Variants in ARHGAP8 observed in about 807,000 individuals in gnomAD.
ARHGAP8 encodes the protein Rho GTPase activating protein 8, also known as rho GTPase-activating protein 8.
Under a neutral mutation model 46.1 loss-of-function variants are expected in ARHGAP8, and 62 were observed. The observed-to-expected ratio is 1.34, with a 90% CI of 1.10 to 1.66. The LOEUF is 1.66. ARHGAP8 is among the 40% of genes most tolerant of loss of function. The pLI is 0.00. For missense variants in ARHGAP8, 923 were observed against 568.4 expected (o/e 1.62, Z -6.34); for synonymous variants, 375 against 243.1 (o/e 1.54, Z -5.05).
intron 7 of ARHGAP8, among the ~76,000 whole-genome samples, chr22:44,834,990 C>G (rs1931186171): frequency 6.6e-6 from 1 of 152,052 alleles, no homozygotes; most frequent in Non-Finnish European, 1.5e-5. Flanking sequence ...CTATTTGTGT[C>G]TTTGAATCTA....
chr22:44,848,825 G>A, intron 9 of ARHGAP8, 107 bp from the exon 10 acceptor site: 1 of 1,556,842 alleles, frequency 6.4e-7, no homozygotes, highest in Non-Finnish European at 8.7e-7. Flanking sequence ...TCCAGCATCA[G>A]GTGCGTCCCA....
At chr22:44,826,227 C>G (rs1458114607) in intron 7 of ARHGAP8, among the ~76,000 whole-genome samples, 1 of 152,090 alleles carries the variant, frequency 6.6e-6, no homozygotes. Flanking sequence ...CATCCCTGAT[C>G]CCCGCATCAC....
rs547838010 is a variant in ARHGAP8, at chr22:44,859,829, C to T, written c.976C>T (p.His326Tyr). The change falls in exon 11 of 12, where the codon CAT (histidine) becomes TAT (tyrosine). Residue 326 changes from histidine (H) to tyrosine (Y), a missense_variant. Physicochemically the swap from His to Tyr is moderately conservative, Grantham distance 83. Coordinates refer to ENST00000356099, the MANE Select transcript of ARHGAP8 (RefSeq NM_181335.3). ...CCTCCGCTACCTCATGGGCTTCCTG[C>T]ATGCGGTGAGTGGGGAAGGGGGGAG... is the stretch of plus-strand genomic sequence containing the variant. ...VVLRYLMGFL[H>Y]AVSRESIFNK... 1.1e-5 allele frequency: 18 copies of T among 1,613,592 alleles called. No individual in the cohort carries two copies. The highest frequency in any genetic ancestry group is 1.7e-4 in the Middle Eastern group (1 of 6,056).
At chr22:44,785,632 G>A (rs1308013301) in intron 1 of ARHGAP8, among the ~76,000 whole-genome samples, 3 of 152,108 alleles carry the variant, frequency 2.0e-5, no homozygotes, top group African/African-American at 7.2e-5. Flanking sequence ...ACTGGGGTGG[G>A]GAGGGGATAG....
intron 1 of ARHGAP8, among the ~76,000 whole-genome samples, chr22:44,783,411 A>G (rs1440146362): frequency 2.0e-5 from 3 of 152,004 alleles, no homozygotes; most frequent in African/African-American, 2.4e-5. Flanking sequence ...GGAGCTTGTC[A>G]TTGAAGAGCT....
intron 1 of ARHGAP8, among the ~76,000 whole-genome samples, chr22:44,782,956 G>C (rs1012491347): frequency 2.0e-5 from 3 of 152,128 alleles, no homozygotes; most frequent in Non-Finnish European, 2.9e-5. Context: ...TGCAGTGATG[G>C]GGGTGTCCAC....
chr22:44,811,342 G>C (rs1929320667), intron 4 of ARHGAP8, among the ~76,000 whole-genome samples: 1 of 152,248 alleles, frequency 6.6e-6, no homozygotes, highest in African/African-American at 2.4e-5. Context: ...CCGGCCTCGT[G>C]GCAACCTGGG....
At chr22:44,815,775 G>C (rs78179839) in intron 5 of ARHGAP8, among the ~76,000 whole-genome samples, 1 of 152,078 alleles carries the variant, frequency 6.6e-6, no homozygotes, top group East Asian at 1.9e-4. Flanking sequence ...TGCCTGGGTC[G>C]CATGGGCATC....
At chr22:44,837,372 G>A (rs1931358826) in intron 7 of ARHGAP8, among the ~76,000 whole-genome samples, 1 of 152,250 alleles carries the variant, frequency 6.6e-6, no homozygotes, top group South Asian at 2.1e-4. Flanking sequence ...CCAGGTGGGA[G>A]TCACTGGCCA....
At position 44,862,319 on chromosome 22, in the gene ARHGAP8, G is replaced by T; in HGVS notation, c.1026G>T (p.Leu342=). Residue 342 remains leucine (L), a synonymous_variant, in exon 12 of 12, where the codon CTG becomes CTT. Coordinates refer to ENST00000356099, the MANE Select transcript of ARHGAP8 (RefSeq NM_181335.3). Reference sequence around the variant, plus strand: ...TCAACAAAATGAACAGCTCTAACCTGGCCTGTGTCTTCGGGCTGAATTTGA... The same window carrying T: ...TCAACAAAATGAACAGCTCTAACCTTGCCTGTGTCTTCGGGCTGAATTTGA... The part of the protein sequence containing the change: ...SIFNKMNSSN[L]ACVFGLNLIW... The T allele has an allele frequency of 6.2e-7, 1 of 1,613,584 alleles. No individual in the cohort carries two copies. The highest frequency in any genetic ancestry group is 8.5e-7 in the Non-Finnish European group (1 of 1,179,714).
chr22:44,839,446 C>T (rs1194615797), intron 7 of ARHGAP8, among the ~76,000 whole-genome samples: 3 of 152,264 alleles, frequency 2.0e-5, no homozygotes, highest in East Asian at 1.9e-4. Flanking sequence ...TAGCAGATTC[C>T]TCTGTAAATC....
intron 11 of ARHGAP8, among the ~76,000 whole-genome samples, chr22:44,861,452 C>T (rs1234139992): frequency 1.3e-5 from 2 of 149,238 alleles, no homozygotes; most frequent in Admixed American, 6.7e-5. Context: ...CTGCAACGGG[C>T]TTGGGGGACC....
chr22:44,861,197 C>T (rs1273419644), intron 11 of ARHGAP8, among the ~76,000 whole-genome samples: 2 of 152,122 alleles, frequency 1.3e-5, no homozygotes, highest in African/African-American at 4.8e-5. Context: ...ATCTTGAACT[C>T]CTGACCTCAG....
intron 7 of ARHGAP8, among the ~76,000 whole-genome samples, chr22:44,833,258 G>T (rs1029735596): frequency 1.1e-4 from 17 of 151,792 alleles, no homozygotes; most frequent in South Asian, 2.1e-4. Context: ...TACCATGCCT[G>T]GTTAATTTTT....
chr22:44,768,117 C>G (rs1170708354), intron 1 of ARHGAP8, among the ~76,000 whole-genome samples: 1 of 147,952 alleles, frequency 6.8e-6, no homozygotes, highest in African/African-American at 2.5e-5. Flanking sequence ...CTGCCTCAGC[C>G]TCCTGAGTAA....
At chr22:44,765,014 G>A (rs1313768381) in intron 1 of ARHGAP8, among the ~76,000 whole-genome samples, 1 of 152,196 alleles carries the variant, frequency 6.6e-6, no homozygotes, top group East Asian at 1.9e-4. Flanking sequence ...AGGGGAAGGG[G>A]TGAAAGGCTT....
At chr22:44,848,262 G>A (rs940976277) in intron 9 of ARHGAP8, among the ~76,000 whole-genome samples, 3 of 152,232 alleles carry the variant, frequency 2.0e-5, no homozygotes, top group Non-Finnish European at 2.9e-5. Flanking sequence ...ACCCCACTGG[G>A]ACATGGTGGC....
intron 4 of ARHGAP8, among the ~76,000 whole-genome samples, chr22:44,810,863 G>C (rs1431003656): frequency 6.6e-6 from 1 of 152,210 alleles, no homozygotes; most frequent in African/African-American, 2.4e-5. Context: ...GTGTTTAAGA[G>C]GCAGCAGGGA....
chr22:44,774,739 C>G (rs1329169433), intron 1 of ARHGAP8, among the ~76,000 whole-genome samples: 1 of 151,932 alleles, frequency 6.6e-6, no homozygotes, highest in Admixed American at 6.6e-5. Context: ...CCAGGCTGGT[C>G]TCAAACTCCT....
Sources: gnomAD v4.1 joint callset for allele counts (sites outside exome capture counted in the v4.1 genomes callset) on GRCh38, gnomAD v4.1.1 for gene constraint, MANE v1.5 for transcripts, NCBI Gene and HGNC (gene_info 2026-07-23, HGNC 2026-07-21) for gene names.